The following ADK variants were observed in gnomAD, a reference collection of about 807,000 sequenced individuals.
ADK encodes the protein adenosine kinase, also known as N6,N6-dimethyladenosine kinase.
ADK carries 24 observed loss-of-function variants against 44.7 expected under a neutral mutation model. That is an observed-to-expected ratio of 0.54 (90% confidence interval 0.39 to 0.76). ADK has a LOEUF of 0.76. ADK is among the 30% of genes least tolerant of loss of function. The pLI, the probability that ADK is intolerant of heterozygous loss-of-function variation, is 0.00. For synonymous variants in ADK, 128 were observed against 142.6 expected, an observed-to-expected ratio of 0.90 and a Z score of 0.73; for missense variants, 321 against 425.1, an observed-to-expected ratio of 0.76 and a Z score of 2.15.
intron 10 of ADK, among the ~76,000 whole-genome samples, chr10:74,684,594 G>C (rs988014110): frequency 6.6e-6 from 1 of 152,120 alleles, no homozygotes; most frequent in African/African-American, 2.4e-5. Context: ...AACATAGTGA[G>C]ACTCCCATGT....
intron 3 of ADK, among the ~76,000 whole-genome samples, chr10:74,308,938 C>T (rs1219141034): frequency 6.6e-6 from 1 of 151,982 alleles, no homozygotes; most frequent in Non-Finnish European, 1.5e-5. Context: ...AAATGGAAAG[C>T]AATTGCCCTT....
chr10:74,570,844 G>C (rs1850927682), intron 7 of ADK, among the ~76,000 whole-genome samples: 1 of 152,118 alleles, frequency 6.6e-6, no homozygotes, highest in South Asian at 2.1e-4. Flanking sequence ...AGTGGTGAGA[G>C]AGGGCATCCC....
chr10:74,642,361 T>A lies in ADK; in HGVS notation c.878-27822T>A, dbSNP rs1320037613. Among the ~76,000 whole-genome samples the A allele has an allele frequency of 1.5e-4, 6 of 38,856 alleles. No homozygotes were observed. In the African/African-American group the frequency reaches 6.2e-3, roughly 40 times the overall value. The allele number at this position is 38,856 out of a possible 152,430, so 25.5% of individuals were successfully genotyped here. On this transcript the variant is annotated intron_variant, in intron 9 of 10. Transcript: ENST00000539909. ...GCTTACATTTTTTGATGCACTCAAT[T>A]TTTTTTTTTTTTTTTTTAATTTAAA... is the stretch of plus-strand genomic sequence containing the variant.
Position 74,200,835 on chromosome 10 carries a change from A to G in ADK, c.137A>G (p.Asp46Gly). 6.3e-7 allele frequency: 1 copy of G among 1,590,984 alleles called. No individual in the cohort carries two copies. The highest frequency in any genetic ancestry group is 1.7e-4 in the Middle Eastern group (1 of 6,028). ...ISAVVDKDFL[D>G]KYSLKPNDQI... Reference sequence around the variant, plus strand: ...GCTGTAGTGGACAAAGATTTCCTTGATAAGTAAGTATTAAACTCTTCATAT... The same window carrying G: ...GCTGTAGTGGACAAAGATTTCCTTGGTAAGTAAGTATTAAACTCTTCATAT... Residue 46 changes from aspartate to glycine, a missense_variant, in exon 2 of 11, where the codon GAT becomes GGT. Physicochemically the swap from Asp to Gly is moderately conservative, Grantham distance 94 (BLOSUM62 -1). Coordinates refer to ENST00000539909, the MANE Select transcript of ADK (RefSeq NM_006721.4).
At position 74,586,087 on chromosome 10, in the gene ADK, TC is replaced by T. The variant is rs1425926081; in HGVS notation, c.727-3190del. On this transcript the variant is annotated intron_variant, in intron 7 of 10. Transcript: ENST00000539909. Reference sequence around the variant, plus strand: ...TACAATTCTTACTGGGTCAAACTGTTCCCCCGTGTTGTTTTGTTTGTTTTGC... The same window carrying T: ...TACAATTCTTACTGGGTCAAACTGTTCCCCGTGTTGTTTTGTTTGTTTTGC... 2.6e-5 allele frequency among the ~76,000 whole-genome samples: 4 copies of T among 152,168 alleles called. No homozygotes were observed. In the East Asian group the frequency reaches 7.7e-4, roughly 29 times the overall value.
At chr10:74,163,959 A>G (rs1451122068) in intron 1 of ADK, among the ~76,000 whole-genome samples, 1 of 152,134 alleles carries the variant, frequency 6.6e-6, no homozygotes, top group African/African-American at 2.4e-5. Flanking sequence ...TTTAGTTCTT[A>G]GTTTTGTTGA....
At chr10:74,655,661 A>AC in intron 9 of ADK, 1 of 446,410 alleles carries the variant, frequency 2.2e-6, no homozygotes, top group Non-Finnish European at 4.5e-6. Flanking sequence ...AGCCAGGAAG[A>AC]CCCCCGGGCC....
chr10:74,181,533 G>GTT (rs1182826326), intron 1 of ADK, among the ~76,000 whole-genome samples: 1 of 152,176 alleles, frequency 6.6e-6, no homozygotes, highest in Non-Finnish European at 1.5e-5. Flanking sequence ...TGGCCCAATA[G>GTT]TTAAGTTGGC....
chr10:74,242,308 GA>G (rs1845242023), intron 3 of ADK, among the ~76,000 whole-genome samples: 2 of 152,230 alleles, frequency 1.3e-5, no homozygotes, highest in African/African-American at 4.8e-5. Context: ...AGTTTGGGGA[GA>G]AAAAAACAAC....
intron 6 of ADK, among the ~76,000 whole-genome samples, chr10:74,419,350 T>A (rs1844480171): frequency 6.6e-6 from 1 of 152,272 alleles, no homozygotes; most frequent in Admixed American, 6.5e-5. Context: ...CTTATTTAAA[T>A]TTTTTAGGGT....
At chr10:74,677,847 A>G (rs1855448860) in intron 10 of ADK, among the ~76,000 whole-genome samples, 1 of 151,100 alleles carries the variant, frequency 6.6e-6, no homozygotes, top group Admixed American at 6.6e-5. Context: ...TATGAAACAG[A>G]CCAGGCATGG....
chr10:74,168,647 G>A (rs1369501155), intron 1 of ADK, among the ~76,000 whole-genome samples: 1 of 151,392 alleles, frequency 6.6e-6, no homozygotes, highest in Non-Finnish European at 1.5e-5. Flanking sequence ...GAGTCTCTCT[G>A]TGTCGCCCAG....
chr10:74,314,578 GTGTTTTAATAC>G (rs1484886939), intron 3 of ADK, 78 bp from the exon 4 acceptor site: 1 of 770,264 alleles, frequency 1.3e-6, no homozygotes, highest in Non-Finnish European at 2.3e-6. Flanking sequence ...TTTACTATTT[GTGTTTTAATAC>G]TCTTCTGCTC....
At chr10:74,357,585 G>T (rs1199850402) in intron 4 of ADK, among the ~76,000 whole-genome samples, 2 of 151,580 alleles carry the variant, frequency 1.3e-5, no homozygotes, top group Non-Finnish European at 2.9e-5. Context: ...ACGGGCATAA[G>T]CCACCATGCC....
At chr10:74,662,767 G>T (rs542420552) in intron 9 of ADK, among the ~76,000 whole-genome samples, 5 of 152,228 alleles carry the variant, frequency 3.3e-5, no homozygotes, top group Admixed American at 3.3e-4. Context: ...CTCTGCACTT[G>T]AATGTTCTAC....
At chr10:74,325,873 T>A (rs1000716677) in intron 4 of ADK, among the ~76,000 whole-genome samples, 2 of 152,150 alleles carry the variant, frequency 1.3e-5, no homozygotes, top group African/African-American at 4.8e-5. Flanking sequence ...TTTTCTTTTT[T>A]AAGACAGAGT....
At chr10:74,524,739 G>A (rs916520107) in intron 6 of ADK, among the ~76,000 whole-genome samples, 2 of 152,084 alleles carry the variant, frequency 1.3e-5, no homozygotes, top group Non-Finnish European at 2.9e-5. Flanking sequence ...TCACTTATAA[G>A]AATACAAACT....
chr10:74,403,336 C>G (rs1843783424), intron 6 of ADK, among the ~76,000 whole-genome samples: 1 of 152,142 alleles, frequency 6.6e-6, no homozygotes, highest in Non-Finnish European at 1.5e-5. Context: ...TGCCCTGCCC[C>G]CAGAGATGGA....
At chr10:74,627,906 G>A (rs1234135105) in intron 9 of ADK, among the ~76,000 whole-genome samples, 5 of 152,138 alleles carry the variant, frequency 3.3e-5, no homozygotes, top group Admixed American at 6.5e-5. Context: ...CAAAGTGCTC[G>A]GATTATAGGT....
Sources: allele counts gnomAD v4.1 joint callset (sites outside exome capture counted in the v4.1 genomes callset), GRCh38; gene constraint gnomAD v4.1.1; transcripts MANE v1.5; gene names NCBI Gene and HGNC (gene_info 2026-07-23, HGNC 2026-07-21).